The following GULP1 variants were observed in gnomAD, a reference collection of about 807,000 sequenced individuals.
The protein encoded by GULP1 is PTB domain-containing engulfment adapter protein 1.
A neutral mutation model predicts 40.9 loss-of-function variants in GULP1; 19 were observed. The observed-to-expected ratio is 0.46, with a 90% CI of 0.32 to 0.68. The LOEUF is 0.68. Ranked by LOEUF, GULP1 falls within the 30% of genes least tolerant of loss-of-function variation. The pLI is 0.03. For synonymous variants in GULP1, 119 were observed against 117.6 expected (o/e 1.01, Z -0.08); for missense variants, 312 against 362.2 (o/e 0.86, Z 1.12).
At chr2:188,350,564 G>A (rs951253817) in intron 1 of GULP1, among the ~76,000 whole-genome samples, 1 of 151,634 alleles carries the variant, frequency 6.6e-6, no homozygotes, top group Non-Finnish European at 1.5e-5. Context: ...GTTGTCATAG[G>A]TTTCTTTATT....
At chr2:188,368,440 A>T (rs2047097415) in intron 1 of GULP1, among the ~76,000 whole-genome samples, 1 of 151,926 alleles carries the variant, frequency 6.6e-6, no homozygotes. Context: ...AATTATCTGT[A>T]TGTGGTGGCA....
chr2:188,497,309 T>A (rs2062992663), intron 4 of GULP1, among the ~76,000 whole-genome samples: 1 of 151,988 alleles, frequency 6.6e-6, no homozygotes, highest in Non-Finnish European at 1.5e-5. Context: ...TTTTCCAGCA[T>A]ACTAAAAATT....
chr2:188,331,187 C>G (rs2041526896), intron 1 of GULP1, among the ~76,000 whole-genome samples: 1 of 152,034 alleles, frequency 6.6e-6, no homozygotes, highest in African/African-American at 2.4e-5. Context: ...ATTATAGAGT[C>G]TTAGGATCTT....
At chr2:188,541,145 C>T in intron 6 of GULP1, 36 bp from the exon 7 acceptor site, 1 of 1,571,262 alleles carries the variant, frequency 6.4e-7, no homozygotes, top group Non-Finnish European at 8.7e-7. Flanking sequence ...AAAAAAGAAT[C>T]CCATCAACTA....
chr2:188,420,614 T>G (rs2055267451), intron 2 of GULP1, among the ~76,000 whole-genome samples: 1 of 152,170 alleles, frequency 6.6e-6, no homozygotes, highest in African/African-American at 2.4e-5. Context: ...AGAATAGAAT[T>G]TATTGAATGA....
At chr2:188,502,215 G>A (rs1276236908) in intron 4 of GULP1, among the ~76,000 whole-genome samples, 9 of 151,398 alleles carry the variant, frequency 5.9e-5, no homozygotes, top group Admixed American at 5.9e-4. Context: ...AAGGGAGAGA[G>A]CTGCATCTGA....
intron 7 of GULP1, among the ~76,000 whole-genome samples, chr2:188,563,294 AAATTGCCAAT>A (rs1303855341): frequency 6.6e-6 from 1 of 151,836 alleles, no homozygotes; most frequent in Non-Finnish European, 1.5e-5. Context: ...CAGAAAACAC[AAATTGCCAAT>A]ACTAGAAATA....
At chr2:188,566,438 C>A (rs1697680904) in intron 7 of GULP1, among the ~76,000 whole-genome samples, 1 of 151,690 alleles carries the variant, frequency 6.6e-6, no homozygotes, top group African/African-American at 2.4e-5. Flanking sequence ...TAATATGAGG[C>A]CAAATGTCAT....
intron 2 of GULP1, among the ~76,000 whole-genome samples, chr2:188,420,452 G>A (rs568493338): frequency 7.2e-5 from 11 of 152,092 alleles, no homozygotes; most frequent in Admixed American, 7.2e-4. Flanking sequence ...CACTCCTGTA[G>A]TTTGGTGGGC....
intron 4 of GULP1, among the ~76,000 whole-genome samples, chr2:188,494,744 C>T (rs1198165258): frequency 3.9e-5 from 6 of 152,008 alleles, no homozygotes; most frequent in African/African-American, 9.7e-5. Context: ...CTCTCCTTAG[C>T]GTGACTTTTG....
At chr2:188,533,916 A>C (rs1366561595) in intron 6 of GULP1, among the ~76,000 whole-genome samples, 1 of 152,216 alleles carries the variant, frequency 6.6e-6, no homozygotes, top group African/African-American at 2.4e-5. Flanking sequence ...AATTAAAATC[A>C]AAACCACAAT....
chr2:188,467,837 G>A (rs969477035), intron 2 of GULP1, among the ~76,000 whole-genome samples: 1 of 152,054 alleles, frequency 6.6e-6, no homozygotes, highest in Non-Finnish European at 1.5e-5. Context: ...TCTAGTGCTC[G>A]CTTTATGAAT....
chr2:188,497,278 T>A (rs1041360341), intron 4 of GULP1, among the ~76,000 whole-genome samples: 1 of 152,024 alleles, frequency 6.6e-6, no homozygotes, highest in African/African-American at 2.4e-5. Flanking sequence ...GTAAATTTCA[T>A]AAGTAATGTT....
chr2:188,354,475 A>G (rs150091922), intron 1 of GULP1, among the ~76,000 whole-genome samples: 1 of 152,150 alleles, frequency 6.6e-6, no homozygotes, highest in African/African-American at 2.4e-5. Context: ...TGGGCAATCT[A>G]TATCCAACAC....
At chr2:188,564,143 C>T (rs771006171) in intron 7 of GULP1, among the ~76,000 whole-genome samples, 14 of 151,856 alleles carry the variant, frequency 9.2e-5, no homozygotes, top group Admixed American at 3.9e-4. Context: ...AAAAGTTCTA[C>T]AGGTAACATC....
At chr2:188,464,207 T>C (rs2059935943) in intron 2 of GULP1, among the ~76,000 whole-genome samples, 1 of 152,232 alleles carries the variant, frequency 6.6e-6, no homozygotes, top group Non-Finnish European at 1.5e-5. Context: ...ATTTAAGCTG[T>C]ATCTTCCTTA....
At chr2:188,457,412 C>CAG (rs2059355519) in intron 2 of GULP1, among the ~76,000 whole-genome samples, 1 of 152,082 alleles carries the variant, frequency 6.6e-6, no homozygotes, top group African/African-American at 2.4e-5. Flanking sequence ...GAATGAGTCT[C>CAG]ACAAGATCTG....
intron 1 of GULP1, among the ~76,000 whole-genome samples, chr2:188,371,267 A>G (rs1010272932): frequency 1.8e-4 from 27 of 152,308 alleles, no homozygotes; most frequent in Admixed American, 7.2e-4. Context: ...TCATTTGGCA[A>G]TAAACAATTA....
intron 2 of GULP1, among the ~76,000 whole-genome samples, chr2:188,435,584 T>G (rs2057332301): frequency 6.6e-6 from 1 of 152,046 alleles, no homozygotes; most frequent in African/African-American, 2.4e-5. Context: ...ATTTTTTGTG[T>G]GTCAGAAGTC....
Sources: gnomAD v4.1 joint callset for allele counts (sites outside exome capture counted in the v4.1 genomes callset) on GRCh38, gnomAD v4.1.1 for gene constraint, MANE v1.5 for transcripts, NCBI Gene and HGNC (gene_info 2026-07-23, HGNC 2026-07-21) for gene names.